SLC5A10: variants seen among roughly 807,000 people sequenced by gnomAD.
SLC5A10 encodes the protein solute carrier family 5 member 10.
A neutral mutation model predicts 68.9 loss-of-function variants in SLC5A10; 55 were observed. That is an observed-to-expected ratio of 0.80 (90% CI 0.64 to 1.00). The LOEUF is 1.00. Among genes scored for constraint, SLC5A10 ranks in the 50% least tolerant of loss-of-function variants. The pLI is 0.00. For missense variants in SLC5A10, 732 were observed against 819.3 expected, an observed-to-expected ratio of 0.89 and a Z score of 1.30; for synonymous variants, 344 against 344.8, an observed-to-expected ratio of 1.00 and a Z score of 0.02.
intron 5 of SLC5A10, among the ~76,000 whole-genome samples, chr17:18,964,335 C>T (rs909558446): frequency 1.3e-5 from 2 of 152,210 alleles, no homozygotes; most frequent in Non-Finnish European, 2.9e-5. Context: ...AGTCTCTGTC[C>T]TCACTCCTCA....
rs532806246 is a variant in SLC5A10, at chr17:19,005,462, C to G, written c.983-7948C>G. On this transcript the variant is annotated intron_variant, in intron 9 of 14. Coordinates refer to ENST00000395645, the MANE Select transcript of SLC5A10 (RefSeq NM_001042450.4). ...AGGCTTTGAGGGTGGGACAGCAAAG[C>G]CCATTAAATCTGGCCCAACAAACAG... Among the ~76,000 whole-genome samples, 3 of 152,250 alleles carry G rather than the reference C, an allele frequency of 2.0e-5. No individual in the cohort carries two copies. In the East Asian group the frequency reaches 5.8e-4, roughly 29 times the overall value.
At chr17:19,014,525 G>A (rs2044088664) in intron 10 of SLC5A10, among the ~76,000 whole-genome samples, 1 of 152,156 alleles carries the variant, frequency 6.6e-6, no homozygotes, top group Admixed American at 6.5e-5. Context: ...GGTGAGGTGT[G>A]CATCTTGCCC....
chr17:18,968,120 G>C lies in SLC5A10; in HGVS notation c.454-932G>C, dbSNP rs1455358291. Among the ~76,000 whole-genome samples, 2 of 152,130 alleles carry C rather than the reference G, an allele frequency of 1.3e-5. No homozygotes were observed. Among genetic ancestry groups the C allele is most frequent in the Non-Finnish European group, 2.9e-5 (2 of 68,004 alleles). On this transcript the variant is annotated intron_variant, in intron 5 of 14. Transcript: ENST00000395645. This position sits in a 1 kb window ranked among gnomAD's most constrained non-coding sequence, Gnocchi z 4.1. ...CCCCAGGAGGCAGGGATCCCTGCCT[G>C]GGGGAGCTCAAAGGGGCCTGGGGCC...
chr17:19,000,136 T>A lies in SLC5A10; in HGVS notation c.983-13274T>A, dbSNP rs1212662559. On this transcript the variant is annotated intron_variant, in intron 9 of 14. Transcript: ENST00000395645. The surrounding 1 kb of genome is among the most constrained non-coding windows in gnomAD (Gnocchi z 5.2). ...TATGTAGTTGGAACCCCACAGCAGGTTTTTTCCCAGATAAATCATGGCTCC... is the reference window on the plus strand; with the variant it reads ...TATGTAGTTGGAACCCCACAGCAGGATTTTTCCCAGATAAATCATGGCTCC... Among the ~76,000 whole-genome samples, 1 of 151,960 alleles carries A rather than the reference T, an allele frequency of 6.6e-6. No individual in the cohort carries two copies. The highest frequency in any genetic ancestry group is 2.4e-5 in the African/African-American group (1 of 41,388).
chr17:18,955,082 T>C (rs1248929158), intron 1 of SLC5A10, among the ~76,000 whole-genome samples: 3 of 42,812 alleles, frequency 7.0e-5, no homozygotes, highest in African/African-American at 2.8e-4. Flanking sequence ...TGAAACACTG[T>C]ATCAAAAAAA....
At chr17:18,979,671 A>T (rs761496712) in intron 9 of SLC5A10, 7 of 1,613,188 alleles carry the variant, frequency 4.3e-6, no homozygotes, top group Non-Finnish European at 5.1e-6. Context: ...GCACTCTGAG[A>T]TTCTGTTTTG....
intron 9 of SLC5A10, among the ~76,000 whole-genome samples, chr17:18,991,858 A>G (rs2043434459): frequency 6.6e-6 from 1 of 152,202 alleles, no homozygotes; most frequent in Admixed American, 6.5e-5. Context: ...GGCCTCGAAG[A>G]TGCAGCTGCA....
intron 6 of SLC5A10, 35 bp downstream of exon 6, chr17:18,969,192 G>A: frequency 1.9e-6 from 3 of 1,607,606 alleles, no homozygotes; most frequent in African/African-American, 1.3e-5. Flanking sequence ...CCACCCAGGG[G>A]ACGTGTAAAG....
chr17:18,976,466 A>C, intron 8 of SLC5A10: 1 of 175,846 alleles, frequency 5.7e-6, no homozygotes, highest in East Asian at 1.5e-4. Flanking sequence ...TCCTGGCACT[A>C]TAAATGTGCC....
At chr17:18,961,169 G>T (rs535587206) in intron 5 of SLC5A10, among the ~76,000 whole-genome samples, 287 of 152,294 alleles carry the variant, frequency 1.9e-3, no homozygotes, top group Non-Finnish European at 3.5e-3. Context: ...GTCAGGAGAA[G>T]CATAGAGCTC....
In SLC5A10 at chr17:19,019,828, G is replaced by A. The variant is rs769010790; in HGVS notation, c.1526G>A (p.Gly509Glu). ...CCAGACACGCGGCCAGCCGTCCTGG[G>A]GAGCATCCACTACCTGCACTTCGCT... ...GEPDTRPAVL[G>E]SIHYLHFAVA... Residue 509 changes from glycine to glutamate, a missense_variant, in exon 13 of 15, where the codon GGG becomes GAG. Coordinates refer to ENST00000395645, the MANE Select transcript of SLC5A10 (RefSeq NM_001042450.4). 6.2e-7 allele frequency: 1 copy of A among 1,613,576 alleles called. No individual in the cohort carries two copies. Among genetic ancestry groups the A allele is most frequent in the Non-Finnish European group, 8.5e-7 (1 of 1,179,948 alleles).
chr17:18,978,942 T>C (rs2043060854), intron 9 of SLC5A10: 6 of 1,413,422 alleles, frequency 4.2e-6, no homozygotes, highest in Non-Finnish European at 5.8e-6. Flanking sequence ...CCTCAGACTG[T>C]GGCCACAGGG....
intron 9 of SLC5A10, among the ~76,000 whole-genome samples, chr17:18,994,850 A>G (rs1320324513): frequency 6.6e-6 from 1 of 152,208 alleles, no homozygotes; most frequent in African/African-American, 2.4e-5. Context: ...GCAGCCAAAC[A>G]AAGTATATAA....
chr17:18,952,265 C>T lies in SLC5A10; in HGVS notation c.60C>T (p.Asp20=). The T allele has an allele frequency of 6.2e-7, 1 of 1,613,980 alleles. No homozygotes were observed. Among genetic ancestry groups the T allele is most frequent in the Non-Finnish European group, 8.5e-7 (1 of 1,179,944 alleles). The change falls in exon 1 of 15, where the codon GAC becomes GAT. Residue 20 remains aspartate (D), a synonymous_variant. Coordinates refer to ENST00000395645, the MANE Select transcript of SLC5A10 (RefSeq NM_001042450.4). ...CCGGGACGCAGCTGAGCGTGGCTGA[C>T]ATCATCGTCATCACTGTGTATTTTG... is the stretch of plus-strand genomic sequence containing the variant. The part of the protein sequence containing the change: ...HTPGTQLSVA[D]IIVITVYFAL...
intron 9 of SLC5A10, among the ~76,000 whole-genome samples, chr17:18,981,150 A>G (rs529068654): frequency 1.3e-5 from 2 of 152,288 alleles, no homozygotes; most frequent in South Asian, 4.1e-4. Flanking sequence ...GGGGTAAACG[A>G]AAACAAGCTG....
chr17:18,955,105 A>C (rs1357027374), intron 1 of SLC5A10, among the ~76,000 whole-genome samples: 1 of 144,064 alleles, frequency 6.9e-6, no homozygotes, highest in African/African-American at 2.6e-5. Context: ...AAAAAAAAAA[A>C]AAAAAGAATT....
At chr17:19,016,201 A>G in intron 11 of SLC5A10, among the ~76,000 whole-genome samples, 1 of 151,944 alleles carries the variant, frequency 6.6e-6, no homozygotes, top group East Asian at 1.9e-4. Context: ...GCGCACCACC[A>G]CGCCTGGCTA....
chr17:18,994,688 G>T (rs59338694), intron 9 of SLC5A10, among the ~76,000 whole-genome samples: 5 of 151,992 alleles, frequency 3.3e-5, no homozygotes. Context: ...TGCAGGGGGT[G>T]TCCTCAGAAG....
chr17:18,979,171 C>T (rs1323175103), intron 9 of SLC5A10: 5 of 484,898 alleles, frequency 1.0e-5, no homozygotes, highest in African/African-American at 5.8e-5. Context: ...TGCTGCCATG[C>T]GTCTATGCTG....
Sources: allele counts gnomAD v4.1 joint callset (sites outside exome capture counted in the v4.1 genomes callset), GRCh38; gene constraint gnomAD v4.1.1; non-coding constraint Gnocchi (gnomAD v3.1); transcripts MANE v1.5; gene names NCBI Gene and HGNC (gene_info 2026-07-23, HGNC 2026-07-21).